RALGPS1: variants seen among roughly 807,000 people sequenced by gnomAD.
RALGPS1 encodes the protein ras-specific guanine nucleotide-releasing factor RalGPS1.
A neutral mutation model predicts 78.8 loss-of-function variants in RALGPS1; 19 were observed. The observed-to-expected ratio is 0.24, with a 90% CI of 0.17 to 0.35. The LOEUF (loss-of-function observed/expected upper bound fraction) is 0.35. Among genes scored for constraint, RALGPS1 ranks in the 10% least tolerant of loss-of-function variants. The probability of loss-of-function intolerance (pLI) is 1.00; values close to 1 mark genes in which losing one functional copy is unlikely to be tolerated. For synonymous variants in RALGPS1, 228 were observed against 256.3 expected, an observed-to-expected ratio of 0.89 and a Z score of 1.06; for missense variants, 454 against 688.3, an observed-to-expected ratio of 0.66 and a Z score of 3.81.
At chr9:127,208,775 T>G (rs1241836164) in intron 14 of RALGPS1, among the ~76,000 whole-genome samples, 2 of 152,178 alleles carry the variant, frequency 1.3e-5, no homozygotes, top group Admixed American at 6.5e-5. Context: ...TGGAAGATGC[T>G]CGTTTCAAGC....
At chr9:126,943,542 A>G (rs1231840665) in intron 1 of RALGPS1, among the ~76,000 whole-genome samples, 1 of 152,168 alleles carries the variant, frequency 6.6e-6, no homozygotes, top group Non-Finnish European at 1.5e-5. Context: ...GTCGAGGTTG[A>G]TGTGAAAGTG....
rs576837011 is a variant in RALGPS1, at chr9:127,001,546, C to T, written c.216+23801C>T. On this transcript the variant is annotated intron_variant, in intron 4 of 18. Transcript: ENST00000259351. ...ACAACAGTGTATGTCTATTTACCTC[C>T]GTCCTATTCTTTGCAGTATTGTTGT... Among the ~76,000 whole-genome samples, 22 of 152,192 alleles carry T rather than the reference C, an allele frequency of 1.4e-4. No individual in the cohort carries two copies. The South Asian group carries it at 3.5e-3, about 24-fold the overall frequency.
intron 8 of RALGPS1, chr9:127,108,664 T>C (rs2054503195): frequency 6.2e-7 from 1 of 1,613,542 alleles, no homozygotes; most frequent in African/African-American, 1.3e-5. Context: ...ACCGTCCTCC[T>C]GGCCTGCAAC....
intron 5 of RALGPS1, among the ~76,000 whole-genome samples, chr9:127,035,856 T>G (rs538222671): frequency 1.3e-5 from 2 of 152,352 alleles, no homozygotes; most frequent in African/African-American, 4.8e-5. Context: ...TGCTTCTTTT[T>G]TCTTTGTTTT....
chr9:127,146,141 A>G (rs905673262), intron 8 of RALGPS1, among the ~76,000 whole-genome samples: 1 of 152,176 alleles, frequency 6.6e-6, no homozygotes, highest in African/African-American at 2.4e-5. Flanking sequence ...ATATTGCATG[A>G]TGCTGAGGTT....
chr9:127,174,129 G>A, intron 10 of RALGPS1, among the ~76,000 whole-genome samples: 1 of 151,540 alleles, frequency 6.6e-6, no homozygotes. Context: ...GGTTGGGGAC[G>A]CATGCCTGTA....
intron 4 of RALGPS1, among the ~76,000 whole-genome samples, chr9:127,009,841 C>G (rs1161783574): frequency 6.6e-6 from 1 of 152,152 alleles, no homozygotes; most frequent in Non-Finnish European, 1.5e-5. Context: ...AGGTTTAGCC[C>G]ACAGCCCTGG....
chr9:127,206,694 C>T (rs572761746), intron 14 of RALGPS1, among the ~76,000 whole-genome samples: 1 of 152,256 alleles, frequency 6.6e-6, no homozygotes, highest in South Asian at 2.1e-4. Flanking sequence ...ACCAAGGCCT[C>T]AACATAATTA....
chr9:127,215,504 T>C (rs1286624100), intron 18 of RALGPS1, among the ~76,000 whole-genome samples: 1 of 152,258 alleles, frequency 6.6e-6, no homozygotes, highest in Non-Finnish European at 1.5e-5. Flanking sequence ...GTCTCCGTTT[T>C]ATGCTGAGGG....
intron 4 of RALGPS1, among the ~76,000 whole-genome samples, chr9:127,023,938 G>A (rs1229192899): frequency 6.8e-6 from 1 of 147,722 alleles, no homozygotes; most frequent in Non-Finnish European, 1.5e-5. Context: ...TCGGGAAGCT[G>A]AGGCAGAAGA....
rs1223108942 is a variant in RALGPS1, at chr9:126,965,890, C to T, written c.104C>T (p.Ala35Val). Residue 35 changes from alanine (A) to valine (V), a missense_variant, in exon 3 of 19, where the codon GCC becomes GTC. Physicochemically the swap from Ala to Val is moderately conservative, Grantham distance 64. Coordinates refer to ENST00000259351, the MANE Select transcript of RALGPS1 (RefSeq NM_014636.3). Reference protein sequence around the residue: ...DSLEGQSCDYASKSYDAVVFD... With the variant: ...DSLEGQSCDYVSKSYDAVVFD... ...CTGGAGGGCCAGAGCTGCGACTATG[C>T]CAGCAAGAGCTATGATGCCGTTGTC... 6.2e-7 allele frequency: 1 copy of T among 1,614,138 alleles called. No homozygotes were observed. The highest frequency in any genetic ancestry group is 1.1e-5 in the South Asian group (1 of 91,090).
intron 11 of RALGPS1, among the ~76,000 whole-genome samples, chr9:127,179,573 C>G (rs10124934): frequency 6.6e-6 from 1 of 152,202 alleles, no homozygotes; most frequent in African/African-American, 2.4e-5. Context: ...AAAGGAGAGG[C>G]CCTAAGACAT....
intron 8 of RALGPS1, among the ~76,000 whole-genome samples, chr9:127,136,474 G>A (rs547325703): frequency 3.9e-5 from 6 of 152,180 alleles, no homozygotes; most frequent in East Asian, 1.9e-4. Context: ...CCACTCACTC[G>A]CTGCAGAAGT....
chr9:127,004,713 T>C (rs2043669945), intron 4 of RALGPS1, among the ~76,000 whole-genome samples: 3 of 152,184 alleles, frequency 2.0e-5, no homozygotes, highest in Admixed American at 1.3e-4. Flanking sequence ...TGAAAAAATA[T>C]ATTGTGAAGC....
chr9:127,087,338 T>G (rs1589390670), intron 8 of RALGPS1: 1 of 152,642 alleles, frequency 6.6e-6, no homozygotes, highest in East Asian at 1.9e-4. Flanking sequence ...AGAGTGTAGA[T>G]ACATCCAAAT....
At chr9:127,054,998 A>AGAGG (rs2048604539) in intron 7 of RALGPS1, among the ~76,000 whole-genome samples, 1 of 13,050 alleles carries the variant, frequency 7.7e-5, no homozygotes, top group Non-Finnish European at 1.5e-4. Flanking sequence ...AGATTGATTG[A>AGAGG]GAGAGAGAGA....
At chr9:127,052,822 A>G (rs1178510474) in intron 6 of RALGPS1, 25 bp from the exon 7 acceptor site, 1 of 1,468,362 alleles carries the variant, frequency 6.8e-7, no homozygotes, top group Admixed American at 1.7e-5. Flanking sequence ...GCAGCAAAAT[A>G]ATCTATTCCA....
In RALGPS1 at chr9:127,166,223, T is replaced by G. The variant is rs1334071638; in HGVS notation, c.748+17T>G. The stretch of plus-strand genomic sequence containing the variant: ...GCAGCTATGGTTAGTACCCTTGTTG[T>G]TAGAATTGTGAAATCTTACGTCATT... On this transcript the variant is annotated intron_variant, in intron 9 of 18. Coordinates refer to ENST00000259351, the MANE Select transcript of RALGPS1 (RefSeq NM_014636.3). 1 of 1,610,662 alleles carries G rather than the reference T, an allele frequency of 6.2e-7. No homozygotes were observed. Among genetic ancestry groups the G allele is most frequent in the Non-Finnish European group, 8.5e-7 (1 of 1,179,176 alleles).
chr9:127,194,759 TGTCC>T (rs770670317), intron 11 of RALGPS1, among the ~76,000 whole-genome samples: 31 of 152,346 alleles, frequency 2.0e-4, no homozygotes, highest in Admixed American at 7.2e-4. Flanking sequence ...ACCAGCTGGA[TGTCC>T]TTAGATAAGT....
Sources: gnomAD v4.1 joint callset for allele counts (sites outside exome capture counted in the v4.1 genomes callset) on GRCh38, gnomAD v4.1.1 for gene constraint, MANE v1.5 for transcripts, NCBI Gene and HGNC (gene_info 2026-07-23, HGNC 2026-07-21) for gene names.